WFS1: variants seen among roughly 807,000 people sequenced by gnomAD.
WFS1 encodes the protein wolframin.
In WFS1, 90 loss-of-function variants were observed where a neutral mutation model predicts 68.5. The observed-to-expected ratio is 1.31, with a 90% CI of 1.11 to 1.56. The LOEUF is 1.56. Ranked by LOEUF, WFS1 falls within the 40% of genes most tolerant of loss-of-function variation. The pLI, the probability that WFS1 is intolerant of heterozygous loss-of-function variation, is 0.00. For synonymous variants in WFS1, 860 were observed against 540.7 expected, an observed-to-expected ratio of 1.59 and a Z score of -8.19; for missense variants, 1,767 against 1,232.6, an observed-to-expected ratio of 1.43 and a Z score of -6.49.
chr4:6,302,402 C>T lies in WFS1; in HGVS notation c.2607C>T (p.Ser869=), dbSNP rs1410561677. The part of the protein sequence containing the change: ...RHVKIEHDWR[S]TVHGAVKFAF... ...TGAAGATCGAGCACGACTGGCGCAG[C>T]ACCGTGCATGGCGCCGTGAAGTTCG... Residue 869 remains serine (S), a synonymous_variant, in exon 8 of 8, where the codon AGC becomes AGT. Coordinates refer to ENST00000226760, the MANE Select transcript of WFS1 (RefSeq NM_006005.3). 12 of 1,613,082 alleles carry T rather than the reference C, an allele frequency of 7.4e-6. No homozygotes were observed. In the African/African-American group the frequency reaches 9.3e-5, roughly 13 times the overall value.
intron 1 of WFS1, among the ~76,000 whole-genome samples, chr4:6,271,521 C>A (rs977601290): frequency 5.3e-5 from 8 of 152,140 alleles, no homozygotes; most frequent in Non-Finnish European, 4.4e-5. Context: ...CAATAAGAAT[C>A]ATAATAGGTC....
intron 4 of WFS1, 39 bp downstream of exon 4, chr4:6,289,170 T>G (rs1730396138): frequency 1.3e-6 from 2 of 1,546,762 alleles, no homozygotes; most frequent in East Asian, 4.9e-5. Flanking sequence ...TCTGGAGGGT[T>G]GAGCAGCTTG....
Position 6,288,375 on chromosome 4 carries a change from G to A in WFS1, c.316-612G>A, listed in dbSNP as rs144065856. On this transcript the variant is annotated intron_variant, in intron 3 of 7. Transcript: ENST00000226760. ...CTGGGCCTCACTTTTTCCATCTGTA[G>A]AATGAGAAGACTGGACCATTTCAGC... is the stretch of plus-strand genomic sequence containing the variant. The A allele has an allele frequency of 2.3e-3, 360 of 157,892 alleles. 3 individuals are homozygous for A. Among genetic ancestry groups the A allele is most frequent in the African/African-American group, 7.3e-3 (303 of 41,606 alleles). 9.8% of individuals were successfully genotyped at this position (157,892 alleles called of 1,614,324 possible). A position where few individuals can be genotyped will look rare whatever the true frequency, so the allele number is the denominator to read the frequency against.
intron 1 of WFS1, among the ~76,000 whole-genome samples, chr4:6,270,632 C>A (rs1729809805): frequency 6.6e-6 from 1 of 152,208 alleles, no homozygotes; most frequent in Admixed American, 6.5e-5. Context: ...AGCACCTGGA[C>A]CCTGCCTCGT....
intron 4 of WFS1, among the ~76,000 whole-genome samples, chr4:6,289,518 G>T (rs762957220): frequency 2.6e-5 from 4 of 152,238 alleles, no homozygotes; most frequent in African/African-American, 9.6e-5. Flanking sequence ...GCTGATGTCC[G>T]TCGAGTCTGG....
intron 1 of WFS1, among the ~76,000 whole-genome samples, chr4:6,274,827 GTGGCA>G (rs80233197): frequency 0.34 from 33,533 of 98,302 alleles, 3,954 homozygotes; most frequent in Middle Eastern, 0.4. Flanking sequence ...AGAGGGTGCA[GTGGCA>G]TGGCGGTCTG....
At chr4:6,290,030 C>A (rs185559403) in intron 4 of WFS1, among the ~76,000 whole-genome samples, 67 of 152,288 alleles carry the variant, frequency 4.4e-4, no homozygotes, top group African/African-American at 1.6e-3. Context: ...CCTCCACCTC[C>A]CTGGTTCAAG....
At position 6,301,848 on chromosome 4, in the gene WFS1, C is replaced by T. The variant is rs112967046; in HGVS notation, c.2053C>T (p.Arg685Cys). ...PRAWKETNMARTQILCSHLEG... is the reference protein window; with the variant it reads ...PRAWKETNMACTQILCSHLEG... ...CGCCTGGAAGGAGACCAACATGGCGCGCACCCAGATCCTCTGCAGCCACCT... is the reference window on the plus strand; with the variant it reads ...CGCCTGGAAGGAGACCAACATGGCGTGCACCCAGATCCTCTGCAGCCACCT... The change falls in exon 8 of 8, where the codon CGC (arginine) becomes TGC (cysteine). Residue 685 changes from arginine (R) to cysteine (C), a missense_variant. By Grantham distance (180) the Arg-to-Cys change is radical. Transcript: ENST00000226760. 1.8e-4 allele frequency: 288 copies of T among 1,612,938 alleles called. No homozygotes were observed. Among genetic ancestry groups the T allele is most frequent in the Middle Eastern group, 8.2e-4 (5 of 6,062 alleles).
At chr4:6,270,990 A>G (rs1357810967) in intron 1 of WFS1, among the ~76,000 whole-genome samples, 1 of 152,158 alleles carries the variant, frequency 6.6e-6, no homozygotes, top group Non-Finnish European at 1.5e-5. Context: ...CACCTTGGAC[A>G]GTGACCCCTG....
At chr4:6,296,079 C>T (rs1271870608) in intron 7 of WFS1, among the ~76,000 whole-genome samples, 1 of 152,222 alleles carries the variant, frequency 6.6e-6, no homozygotes, top group African/African-American at 2.4e-5. Context: ...GGAGGAACTG[C>T]CATCATTGTA....
chr4:6,299,619 C>CAT (rs1553878047), intron 7 of WFS1, among the ~76,000 whole-genome samples: 2 of 21,658 alleles, frequency 9.2e-5, no homozygotes, highest in Admixed American at 7.7e-4. Flanking sequence ...AGGTAGGTTG[C>CAT]GTGTGTGTGT....
intron 1 of WFS1, among the ~76,000 whole-genome samples, chr4:6,271,813 G>A (rs575872342): frequency 6.6e-6 from 1 of 152,176 alleles, no homozygotes; most frequent in Non-Finnish European, 1.5e-5. Flanking sequence ...CTTCCCTCTG[G>A]GCTATCGGGT....
intron 7 of WFS1, among the ~76,000 whole-genome samples, chr4:6,296,232 A>T (rs1730636374): frequency 6.6e-6 from 1 of 152,196 alleles, no homozygotes. Flanking sequence ...GGGGAAGAGC[A>T]GGAACCCAGG....
intron 1 of WFS1, among the ~76,000 whole-genome samples, chr4:6,275,321 C>T (rs1041657540): frequency 6.6e-6 from 1 of 152,194 alleles, no homozygotes; most frequent in African/African-American, 2.4e-5. Context: ...TCAGGTGGTC[C>T]GGTGGCCTGC....
At chr4:6,274,347 G>A (rs1331166762) in intron 1 of WFS1, among the ~76,000 whole-genome samples, 1 of 151,868 alleles carries the variant, frequency 6.6e-6, no homozygotes, top group Admixed American at 6.5e-5. Context: ...GCGCCTGGCC[G>A]GCTTAGTTTT....
In WFS1 at chr4:6,296,874, G is replaced by A. The variant is rs59749168; in HGVS notation, c.861+1685G>A. Among the ~76,000 whole-genome samples the A allele has an allele frequency of 3.5e-4, 54 of 152,292 alleles. 1 individual carries two copies. The East Asian group carries it at 9.5e-3, about 27-fold the overall frequency. ...GGGTCTCGTTCTGTTGCACAGGCTG[G>A]AGTGCAGTGGCACGGTCACAGCTCA... On this transcript the variant is annotated intron_variant, in intron 7 of 7. Coordinates refer to ENST00000226760, the MANE Select transcript of WFS1 (RefSeq NM_006005.3).
At position 6,301,534 on chromosome 4, in the gene WFS1, T is replaced by A. The variant is rs140773453; in HGVS notation, c.1739T>A (p.Val580Glu). 122 of 1,613,896 alleles carry A rather than the reference T, an allele frequency of 7.6e-5. No homozygotes were observed. The highest frequency in any genetic ancestry group is 9.7e-5 in the Non-Finnish European group (115 of 1,180,048). Residue 580 changes from valine (V) to glutamate (E), a missense_variant, in exon 8 of 8, where the codon GTG becomes GAG. Val to Glu is a moderately radical substitution (Grantham distance 121). Coordinates refer to ENST00000226760, the MANE Select transcript of WFS1 (RefSeq NM_006005.3). ...ATCCTGGTGGCCGGCCTGGCCCTGG[T>A]GGGCGTGCTGCAGTTCGCCCGGTGG... Reference protein sequence around the residue: ...LPILVAGLALVGVLQFARWFT... With the variant: ...LPILVAGLALEGVLQFARWFT...
At position 6,302,189 on chromosome 4, in the gene WFS1, C is replaced by G. The variant is rs1730963051; in HGVS notation, c.2394C>G (p.Val798=). ...CGCGCAGCCGCGAGGAGGACGACGT[C>G]ACCAAGGACATCGTGCTGCGGGCCA... ...DGSRSREEDD[V]TKDIVLRASS... The change falls in exon 8 of 8, where the codon GTC becomes GTG. Residue 798 remains valine (V), a synonymous_variant. Transcript: ENST00000226760. 1 of 1,612,358 alleles carries G rather than the reference C, an allele frequency of 6.2e-7. No individual in the cohort carries two copies. The highest frequency in any genetic ancestry group is 8.5e-7 in the Non-Finnish European group (1 of 1,179,772).
rs1040651220 is a variant in WFS1 at position 6,302,639 on chromosome 4, C to G, written c.*171C>G. ...TGCGTGGACCCCGACAAAGGGAAGG[C>G]TGCTGTGTAGCTCTGTCCACTCTGA... is the stretch of plus-strand genomic sequence containing the variant. On this transcript the variant is annotated 3_prime_UTR_variant, in exon 8 of 8. Transcript: ENST00000226760. The G allele has an allele frequency of 1.1e-6, 1 of 928,336 alleles. No homozygotes were observed. The highest frequency in any genetic ancestry group is 1.7e-5 in the African/African-American group (1 of 60,382). The allele number at this position is 928,336 out of a possible 1,614,324, so 57.5% of individuals were successfully genotyped here.
Sources: allele counts gnomAD v4.1 joint callset (sites outside exome capture counted in the v4.1 genomes callset), GRCh38; gene constraint gnomAD v4.1.1; transcripts MANE v1.5; gene names NCBI Gene and HGNC (gene_info 2026-07-23, HGNC 2026-07-21).